Variants in TAX1BP1 observed in about 807,000 individuals in gnomAD.
TAX1BP1 encodes tax1-binding protein 1.
A neutral mutation model predicts 97.7 loss-of-function variants in TAX1BP1; 62 were observed. That is an observed-to-expected ratio of 0.63 (90% CI 0.52 to 0.78). TAX1BP1 has a LOEUF of 0.78. Among genes scored for constraint, TAX1BP1 ranks in the 30% least tolerant of loss-of-function variants. The pLI is 0.00. For missense variants in TAX1BP1, 867 were observed against 916.1 expected, an observed-to-expected ratio of 0.95 and a Z score of 0.69; for synonymous variants, 340 against 304.2, an observed-to-expected ratio of 1.12 and a Z score of -1.23.
At chr7:27,752,508 G>GTTC (rs1213311730) in intron 2 of TAX1BP1, among the ~76,000 whole-genome samples, 2 of 152,122 alleles carry the variant, frequency 1.3e-5, no homozygotes, top group African/African-American at 4.8e-5. Flanking sequence ...GAATGGGAAG[G>GTTC]GAAGTTAAGA....
chr7:27,758,925 G>T (rs750527168), intron 3 of TAX1BP1, among the ~76,000 whole-genome samples: 1 of 151,960 alleles, frequency 6.6e-6, no homozygotes, highest in African/African-American at 2.4e-5. Context: ...GCTTAACATT[G>T]AACTATACAC....
chr7:27,773,845 G>T (rs1023237455), intron 5 of TAX1BP1, among the ~76,000 whole-genome samples: 1 of 152,018 alleles, frequency 6.6e-6, no homozygotes, highest in African/African-American at 2.4e-5. Flanking sequence ...TTTCAAATAG[G>T]AGTAAAAAGA....
At chr7:27,801,662 T>C (rs1790142373) in intron 13 of TAX1BP1, among the ~76,000 whole-genome samples, 1 of 152,198 alleles carries the variant, frequency 6.6e-6, no homozygotes, top group African/African-American at 2.4e-5. Flanking sequence ...CACAAAATTT[T>C]CACACCACCC....
intron 3 of TAX1BP1, among the ~76,000 whole-genome samples, chr7:27,761,871 G>A (rs1392255952): frequency 6.6e-6 from 1 of 152,164 alleles, no homozygotes; most frequent in Non-Finnish European, 1.5e-5. Context: ...TTGTATAAGA[G>A]CATGTTCAGT....
chr7:27,769,529 A>G, intron 4 of TAX1BP1, 147 bp from the exon 5 acceptor site: 1 of 588,272 alleles, frequency 1.7e-6, no homozygotes, highest in Non-Finnish European at 2.8e-6. Flanking sequence ...GGCTAAAAAA[A>G]GGCTGATTGA....
intron 12 of TAX1BP1, among the ~76,000 whole-genome samples, chr7:27,798,579 G>A (rs987134250): frequency 4.7e-5 from 7 of 150,260 alleles, no homozygotes; most frequent in Non-Finnish European, 5.9e-5. Flanking sequence ...CAGGAGAATC[G>A]CTTGAACCCG....
intron 12 of TAX1BP1, among the ~76,000 whole-genome samples, chr7:27,799,318 A>C (rs1483148429): frequency 6.6e-6 from 1 of 152,198 alleles, no homozygotes; most frequent in Admixed American, 6.5e-5. Context: ...GAATTGGCCT[A>C]ATTACCTTTT....
At chr7:27,741,427 TTTTA>T (rs1787595269) in intron 1 of TAX1BP1, among the ~76,000 whole-genome samples, 2 of 152,126 alleles carry the variant, frequency 1.3e-5, no homozygotes, top group Non-Finnish European at 2.9e-5. Context: ...TCTAATAAGG[TTTTA>T]TTTATTTTTC....
chr7:27,779,799 A>G (rs1488378736), intron 5 of TAX1BP1, among the ~76,000 whole-genome samples: 2 of 152,286 alleles, frequency 1.3e-5, no homozygotes, highest in South Asian at 2.1e-4. Flanking sequence ...TACCTTTTAT[A>G]TCATTCCACT....
Position 27,785,445 on chromosome 7 carries a change from G to A in TAX1BP1, c.808G>A (p.Glu270Lys). Residue 270 changes from glutamate to lysine, a missense_variant, in exon 7 of 17, where the codon GAA becomes AAA. Glu to Lys is a moderately conservative substitution (Grantham distance 56). Around this residue, in one of 3 missense-constraint regions of TAX1BP1, gnomAD observed 822 missense variants for 851.4 expected, o/e 0.97. Coordinates refer to ENST00000396319, the MANE Select transcript of TAX1BP1 (RefSeq NM_006024.7). ...KKAQHEREQL[E>K]CQLKTEKDEK... Reference sequence around the variant, plus strand: ...GGCACAACATGAAAGAGAACAACTTGAATGTCAGTTGAAGACAGAGAAGGA... The same window carrying A: ...GGCACAACATGAAAGAGAACAACTTAAATGTCAGTTGAAGACAGAGAAGGA... The A allele has an allele frequency of 6.2e-7, 1 of 1,613,662 alleles. No homozygotes were observed. The highest frequency in any genetic ancestry group is 8.5e-7 in the Non-Finnish European group (1 of 1,179,888).
intron 15 of TAX1BP1, among the ~76,000 whole-genome samples, chr7:27,817,482 TTC>T (rs989697256): frequency 2.0e-5 from 3 of 152,200 alleles, no homozygotes; most frequent in African/African-American, 7.2e-5. Context: ...GTGTGGACTC[TTC>T]ATTATCTTCA....
chr7:27,808,503 G>A (rs903316686), intron 13 of TAX1BP1, among the ~76,000 whole-genome samples: 2 of 152,130 alleles, frequency 1.3e-5, no homozygotes, highest in African/African-American at 2.4e-5. Flanking sequence ...AGGGTGGAGG[G>A]TGTAAAATTT....
chr7:27,794,115 T>C (rs1172090071), intron 10 of TAX1BP1, among the ~76,000 whole-genome samples: 1 of 152,212 alleles, frequency 6.6e-6, no homozygotes, highest in African/African-American at 2.4e-5. Context: ...AAGCAAAATA[T>C]AGTATATTTC....
intron 1 of TAX1BP1, among the ~76,000 whole-genome samples, chr7:27,745,364 CTG>C (rs752136902): frequency 8.5e-5 from 13 of 152,160 alleles, no homozygotes; most frequent in Non-Finnish European, 1.8e-4. Context: ...TTGCCTAAGT[CTG>C]TTATCTGTAG....
chr7:27,817,180 C>A, intron 15 of TAX1BP1, 142 bp downstream of exon 15: 2 of 996,258 alleles, frequency 2.0e-6, no homozygotes, highest in Non-Finnish European at 1.4e-6. Flanking sequence ...TGCCTGCACA[C>A]AATTGCCTAC....
chr7:27,800,482 CA>C (rs1430483487), intron 13 of TAX1BP1, among the ~76,000 whole-genome samples: 1 of 151,628 alleles, frequency 6.6e-6, no homozygotes, highest in Admixed American at 6.6e-5. Flanking sequence ...TTTGGGATGC[CA>C]GTCTGGGAGG....
chr7:27,806,638 T>C (rs1790352342), intron 13 of TAX1BP1, among the ~76,000 whole-genome samples: 1 of 152,194 alleles, frequency 6.6e-6, no homozygotes. Context: ...AGTAACATGG[T>C]GTTTTAATTG....
intron 8 of TAX1BP1, among the ~76,000 whole-genome samples, chr7:27,790,802 A>C (rs948389521): frequency 7.9e-5 from 12 of 152,082 alleles, no homozygotes; most frequent in African/African-American, 2.9e-4. Context: ...ATATAAGCCC[A>C]CCTGTTTGTG....
intron 8 of TAX1BP1, among the ~76,000 whole-genome samples, chr7:27,789,549 A>G (rs1789621607): frequency 6.6e-6 from 1 of 151,938 alleles, no homozygotes; most frequent in East Asian, 1.9e-4. Context: ...TCGTTCTTAA[A>G]AAAGGTAGCG....
Sources: allele counts gnomAD v4.1 joint callset (sites outside exome capture counted in the v4.1 genomes callset), GRCh38; gene constraint gnomAD v4.1.1; regional missense constraint gnomAD v4.1.1; transcripts MANE v1.5; gene names NCBI Gene and HGNC (gene_info 2026-07-23, HGNC 2026-07-21).